Variants in SUPT3H observed in about 807,000 individuals in gnomAD.
The protein encoded by SUPT3H is SPT3 homolog, SAGA and STAGA complex component, also known as transcription initiation protein SPT3 homolog.
In SUPT3H, 44 loss-of-function variants were observed where a neutral mutation model predicts 44.3. That is an observed-to-expected ratio of 0.99 (90% CI 0.78 to 1.28). The LOEUF is 1.28. SUPT3H is among the 50% of genes most tolerant of loss of function. The pLI, the probability that SUPT3H is intolerant of heterozygous loss-of-function variation, is 0.00. For missense variants in SUPT3H, 380 were observed against 387.1 expected, an observed-to-expected ratio of 0.98 and a Z score of 0.15; for synonymous variants, 124 against 125.6, an observed-to-expected ratio of 0.99 and a Z score of 0.09.
At chr6:44,936,251 T>C (rs1771395956) in intron 9 of SUPT3H, among the ~76,000 whole-genome samples, 1 of 152,250 alleles carries the variant, frequency 6.6e-6, no homozygotes. Flanking sequence ...GGCCAAAGGA[T>C]ATAGTGTACA....
intron 9 of SUPT3H, among the ~76,000 whole-genome samples, chr6:44,944,645 C>T (rs1243069205): frequency 6.7e-6 from 1 of 149,078 alleles, no homozygotes; most frequent in East Asian, 2.0e-4. Context: ...GCCTGTAGTC[C>T]CAGCTACTCA....
chr6:44,941,929 G>C (rs770166680), intron 9 of SUPT3H, among the ~76,000 whole-genome samples: 4 of 152,004 alleles, frequency 2.6e-5, no homozygotes, highest in Non-Finnish European at 5.9e-5. Flanking sequence ...AATAATTAAA[G>C]CCTCTGAAGT....
At chr6:45,056,934 G>T (rs781683323) in intron 3 of SUPT3H, among the ~76,000 whole-genome samples, 2 of 151,954 alleles carry the variant, frequency 1.3e-5, no homozygotes, top group African/African-American at 2.4e-5. Context: ...CCACACACAG[G>T]AAAAAAGGCA....
intron 10 of SUPT3H, among the ~76,000 whole-genome samples, chr6:44,919,429 C>A (rs1379582806): frequency 3.3e-5 from 5 of 151,150 alleles, no homozygotes; most frequent in African/African-American, 1.2e-4. Context: ...ATATACAAAC[C>A]CTCCCAGAAG....
chr6:45,143,845 T>G (rs1479830781), intron 2 of SUPT3H, among the ~76,000 whole-genome samples: 1 of 151,818 alleles, frequency 6.6e-6, no homozygotes, highest in Non-Finnish European at 1.5e-5. Flanking sequence ...TAAGCTCAAT[T>G]AGAAACAAAA....
intron 11 of SUPT3H, among the ~76,000 whole-genome samples, chr6:44,816,023 C>T (rs181884979): frequency 6.6e-6 from 1 of 152,098 alleles, no homozygotes. Flanking sequence ...TGAAATCATA[C>T]AAAGTATGTA....
intron 2 of SUPT3H, among the ~76,000 whole-genome samples, chr6:45,353,039 C>A (rs981037715): frequency 8.5e-5 from 13 of 152,134 alleles, no homozygotes; most frequent in African/African-American, 3.1e-4. Context: ...CTGAGAAGTT[C>A]TTCAGAGTCT....
chr6:45,241,215 CA>C (rs1770260415), intron 2 of SUPT3H, among the ~76,000 whole-genome samples: 1 of 142,196 alleles, frequency 7.0e-6, no homozygotes, highest in African/African-American at 2.4e-5. Flanking sequence ...GGCCCCCCCC[CA>C]AATCTTGCCA....
At chr6:44,916,592 A>C (rs1767839775) in intron 10 of SUPT3H, among the ~76,000 whole-genome samples, 2 of 152,206 alleles carry the variant, frequency 1.3e-5, no homozygotes, top group Admixed American at 6.5e-5. Flanking sequence ...TAGAAACATT[A>C]GGGAATTTTT....
chr6:45,376,880 T>C (rs1230056457), intron 1 of SUPT3H, among the ~76,000 whole-genome samples: 2 of 152,186 alleles, frequency 1.3e-5, no homozygotes, highest in Non-Finnish European at 2.9e-5. Flanking sequence ...TACATATACT[T>C]ATATACACAC....
At chr6:45,373,248 T>C (rs897018363) in intron 1 of SUPT3H, among the ~76,000 whole-genome samples, 3 of 152,032 alleles carry the variant, frequency 2.0e-5, no homozygotes, top group African/African-American at 4.8e-5. Flanking sequence ...CCGGCCACGA[T>C]TTTCATGTTC....
At chr6:45,292,654 A>T (rs1333462937) in intron 2 of SUPT3H, among the ~76,000 whole-genome samples, 5 of 151,242 alleles carry the variant, frequency 3.3e-5, no homozygotes, top group Non-Finnish European at 7.4e-5. Context: ...ATTTTATGCA[A>T]AAGGACACCA....
At chr6:45,276,342 T>A (rs975519403) in intron 2 of SUPT3H, among the ~76,000 whole-genome samples, 1 of 152,074 alleles carries the variant, frequency 6.6e-6, no homozygotes, top group Non-Finnish European at 1.5e-5. Flanking sequence ...AATATGAAAA[T>A]AGAAACCTCT....
At chr6:45,108,526 C>T (rs1021408000) in intron 2 of SUPT3H, among the ~76,000 whole-genome samples, 1 of 151,988 alleles carries the variant, frequency 6.6e-6, no homozygotes, top group Non-Finnish European at 1.5e-5. Flanking sequence ...AAAGGAATAG[C>T]TCAATATTGA....
chr6:45,285,906 C>A (rs1163936776), intron 2 of SUPT3H, among the ~76,000 whole-genome samples: 1 of 151,796 alleles, frequency 6.6e-6, no homozygotes, highest in African/African-American at 2.4e-5. Context: ...GGATATAGAC[C>A]AATGGAAAAG....
intron 10 of SUPT3H, among the ~76,000 whole-genome samples, chr6:44,885,568 A>T (rs1465234698): frequency 1.3e-5 from 2 of 152,228 alleles, no homozygotes; most frequent in African/African-American, 2.4e-5. Context: ...GTCTGTTAGA[A>T]GGAAAACTAA....
At chr6:45,325,232 G>T (rs1250347981) in intron 2 of SUPT3H, among the ~76,000 whole-genome samples, 1 of 151,570 alleles carries the variant, frequency 6.6e-6, no homozygotes, top group African/African-American at 2.4e-5. Context: ...GCAAATAAAA[G>T]AATAGAGTTA....
intron 9 of SUPT3H, among the ~76,000 whole-genome samples, chr6:44,940,976 C>T (rs1209013065): frequency 6.6e-6 from 1 of 152,084 alleles, no homozygotes; most frequent in African/African-American, 2.4e-5. Flanking sequence ...TTCTTGTAAG[C>T]AACATATAGT....
At chr6:45,159,710 C>T (rs757260713) in intron 2 of SUPT3H, among the ~76,000 whole-genome samples, 13 of 152,320 alleles carry the variant, frequency 8.5e-5, no homozygotes, top group South Asian at 2.1e-4. Context: ...TTAGCTACTA[C>T]AACAAGATCC....
Sources: gnomAD v4.1 joint callset for allele counts (sites outside exome capture counted in the v4.1 genomes callset) on GRCh38, gnomAD v4.1.1 for gene constraint, MANE v1.5 for transcripts, NCBI Gene and HGNC (gene_info 2026-07-23, HGNC 2026-07-21) for gene names.